PDXDC1: variants seen among roughly 807,000 people sequenced by gnomAD.
PDXDC1 encodes pyridoxal dependent decarboxylase domain containing 1.
In PDXDC1, 42 loss-of-function variants were observed where a neutral mutation model predicts 100.1. The ratio of observed to expected loss-of-function variants is 0.42; its 90% CI spans 0.33 to 0.54. The LOEUF is 0.54. Ranked by LOEUF, PDXDC1 falls within the 20% of genes least tolerant of loss-of-function variation. The pLI is 0.10. For synonymous variants in PDXDC1, 260 were observed against 371.7 expected, an observed-to-expected ratio of 0.70 and a Z score of 3.46; for missense variants, 636 against 979.2, an observed-to-expected ratio of 0.65 and a Z score of 4.68.
chr16:14,987,777 A>G (rs1417012347), intron 1 of PDXDC1, among the ~76,000 whole-genome samples: 4 of 152,230 alleles, frequency 2.6e-5, no homozygotes, highest in African/African-American at 9.6e-5. Context: ...ACGCCTGGCT[A>G]ATTTCTGTAT....
chr16:15,139,762 C>T (rs2048434638), downstream of PDXDC1, among the ~76,000 whole-genome samples: 1 of 151,606 alleles, frequency 6.6e-6, no homozygotes, highest in Non-Finnish European at 1.5e-5. Flanking sequence ...GCCTGGGCGA[C>T]AGAGCAAGAC....
chr16:15,111,403 C>T (rs1335038081), intron 16 of PDXDC1, among the ~76,000 whole-genome samples: 3 of 141,162 alleles, frequency 2.1e-5, no homozygotes, highest in Non-Finnish European at 4.6e-5. Flanking sequence ...TTGTGTTGAG[C>T]TGAGATTGTG....
At chr16:15,072,937 C>T (rs748682187) in intron 16 of PDXDC1, 5 of 1,612,918 alleles carry the variant, frequency 3.1e-6, no homozygotes, top group Non-Finnish European at 4.2e-6. Flanking sequence ...ATGTTAATCA[C>T]ATTCTTACTC....
chr16:15,036,302 C>G lies in PDXDC1; in HGVS notation c.*27C>G, dbSNP rs1180406512. 5 of 1,582,280 alleles carry G rather than the reference C, an allele frequency of 3.2e-6. No homozygotes were observed. The highest frequency in any genetic ancestry group is 4.3e-6 in the Non-Finnish European group (5 of 1,158,650). Reference sequence around the variant, plus strand: ...ACTCATTGTGTGGTTTGAGACTGTACTGAGTATTGTTTCAGGGAAGATGAA... The same window carrying G: ...ACTCATTGTGTGGTTTGAGACTGTAGTGAGTATTGTTTCAGGGAAGATGAA... On this transcript the variant is annotated 3_prime_UTR_variant, in exon 23 of 23. Transcript: ENST00000396410.
intron 16 of PDXDC1, among the ~76,000 whole-genome samples, chr16:15,052,795 A>G (rs2044348164): frequency 6.6e-6 from 1 of 152,156 alleles, no homozygotes; most frequent in Non-Finnish European, 1.5e-5. Flanking sequence ...ATTGCACTCC[A>G]GCCTGGGTGA....
intron 16 of PDXDC1, among the ~76,000 whole-genome samples, chr16:15,097,187 G>C (rs1263568474): frequency 1.3e-5 from 2 of 151,602 alleles, no homozygotes; most frequent in Non-Finnish European, 2.9e-5. Context: ...AGAATCACTT[G>C]AACCCAGGAG....
intron 16 of PDXDC1, among the ~76,000 whole-genome samples, chr16:15,079,595 TC>T (rs1246160729): frequency 2.0e-5 from 2 of 100,350 alleles, no homozygotes; most frequent in Non-Finnish European, 2.4e-5. Flanking sequence ...TGGTTTCTTT[TC>T]TTTTTTTTTT....
At chr16:15,110,129 G>A (rs1482651769) in intron 16 of PDXDC1, among the ~76,000 whole-genome samples, 4 of 147,306 alleles carry the variant, frequency 2.7e-5, no homozygotes, top group African/African-American at 7.4e-5. Flanking sequence ...TGGGCAACAC[G>A]AGCAAAGCCC....
chr16:15,150,504 A>C, the PDXDC1 span, among the ~76,000 whole-genome samples: 1 of 150,854 alleles, frequency 6.6e-6, no homozygotes, highest in South Asian at 2.1e-4. Flanking sequence ...ATCTCTACTA[A>C]AAATATTTTT....
At chr16:15,001,216 T>C (rs1973072227) in intron 3 of PDXDC1, among the ~76,000 whole-genome samples, 1 of 151,892 alleles carries the variant, frequency 6.6e-6, no homozygotes, top group African/African-American at 2.4e-5. Flanking sequence ...CGGCTGGGCG[T>C]GGTGGCTCAT....
At chr16:14,996,182 C>T (rs964198481) in intron 1 of PDXDC1, among the ~76,000 whole-genome samples, 2 of 152,268 alleles carry the variant, frequency 1.3e-5, no homozygotes, top group Admixed American at 6.5e-5. Flanking sequence ...GGACTAGATC[C>T]CTTAGGTCCC....
intron 16 of PDXDC1, among the ~76,000 whole-genome samples, chr16:15,031,135 T>C (rs563486315): frequency 6.6e-4 from 79 of 120,138 alleles, no homozygotes; most frequent in East Asian, 9.0e-4. Context: ...TTTTTTTTTT[T>C]CCATAGAGAC....
At chr16:14,989,002 C>T (rs71374759) in intron 1 of PDXDC1, 5,459 of 1,611,920 alleles carry the variant, frequency 3.4e-3, no homozygotes, top group Non-Finnish European at 4.2e-3. Flanking sequence ...TCCATCTGGT[C>T]TCGCTCCCTG....
At chr16:15,147,379 T>C in the PDXDC1 span, among the ~76,000 whole-genome samples, 1 of 152,192 alleles carries the variant, frequency 6.6e-6, no homozygotes, top group Non-Finnish European at 1.5e-5. Context: ...CACCACGGCT[T>C]CTCAGAGCCT....
chr16:15,079,725 T>A (rs1360110142), intron 16 of PDXDC1, among the ~76,000 whole-genome samples: 2 of 152,178 alleles, frequency 1.3e-5, no homozygotes, highest in Non-Finnish European at 2.9e-5. Flanking sequence ...CCTGAGTAGC[T>A]GGGATTACAG....
intron 16 of PDXDC1, chr16:15,125,380 A>G (rs1344531070): frequency 1.7e-5 from 12 of 725,346 alleles, no homozygotes; most frequent in African/African-American, 1.4e-4. Context: ...CACACAGCCC[A>G]CCCCCGTCCA....
At position 15,083,514 on chromosome 16, in the gene PDXDC1, A is replaced by G. The variant is rs760852507; in HGVS notation, c.1399+53458A>G. 17 of 1,609,612 alleles carry G rather than the reference A, an allele frequency of 1.1e-5. No individual in the cohort carries two copies. In the South Asian group the frequency reaches 1.6e-4, roughly 15 times the overall value. On this transcript the variant is annotated intron_variant, in intron 16 of 16. Transcript: ENST00000535621. ...GTTCTCAATGAAAAGATTTCTTACC[A>G]GTGTTCTCTCTGATTTTCGAACAAA...
chr16:14,995,598 T>C (rs540536726), intron 1 of PDXDC1, among the ~76,000 whole-genome samples: 1 of 152,408 alleles, frequency 6.6e-6, no homozygotes, highest in South Asian at 2.1e-4. Flanking sequence ...TGGTCTAAAA[T>C]TCTCTTTTTT....
At chr16:15,022,679 A>C in intron 12 of PDXDC1, 25 bp from the exon 13 acceptor site, 1 of 1,608,498 alleles carries the variant, frequency 6.2e-7, no homozygotes, top group Non-Finnish European at 8.5e-7. Context: ...ATCTAATTAC[A>C]TGTGTTATTT....
Sources: gnomAD v4.1 joint callset for allele counts (sites outside exome capture counted in the v4.1 genomes callset) on GRCh38, gnomAD v4.1.1 for gene constraint, MANE v1.5 for transcripts, NCBI Gene and HGNC (gene_info 2026-07-23, HGNC 2026-07-21) for gene names.